GRID2: variants seen among roughly 807,000 people sequenced by gnomAD.
GRID2 encodes glutamate receptor ionotropic, delta-2.
Under a neutral mutation model 114.8 loss-of-function variants are expected in GRID2, and 33 were observed. The ratio of observed to expected loss-of-function variants is 0.29; its 90% CI spans 0.22 to 0.38. The LOEUF is 0.38. GRID2 is among the 10% of genes least tolerant of loss of function. The probability of loss-of-function intolerance (pLI) is 1.00; values close to 1 mark genes in which losing one functional copy is unlikely to be tolerated. For missense variants in GRID2, 1,184 were observed against 1,257.7 expected (o/e 0.94, Z 0.89); for synonymous variants, 505 against 449.9 (o/e 1.12, Z -1.55).
At chr4:92,477,290 C>A (rs1015979182) in intron 1 of GRID2, among the ~76,000 whole-genome samples, 1 of 151,946 alleles carries the variant, frequency 6.6e-6, no homozygotes, top group Non-Finnish European at 1.5e-5. Flanking sequence ...CAATGGTTAA[C>A]CTTATTTTAG....
chr4:93,532,931 T>C (rs1731601777), intron 13 of GRID2, among the ~76,000 whole-genome samples: 1 of 152,176 alleles, frequency 6.6e-6, no homozygotes, highest in Non-Finnish European at 1.5e-5. Flanking sequence ...GAATCAGGAA[T>C]CTTATCCAGA....
At chr4:92,553,219 C>G (rs1209627653) in intron 1 of GRID2, among the ~76,000 whole-genome samples, 1 of 152,138 alleles carries the variant, frequency 6.6e-6, no homozygotes, top group East Asian at 1.9e-4. Flanking sequence ...CAGAATGCAC[C>G]TGCATTGGGT....
At chr4:92,599,842 C>T (rs542881007) in intron 2 of GRID2, among the ~76,000 whole-genome samples, 573 of 151,658 alleles carry the variant, frequency 3.8e-3, no homozygotes, top group Non-Finnish European at 6.5e-3. Context: ...CTAGCCAACA[C>T]GGTGAAACCC....
intron 2 of GRID2, among the ~76,000 whole-genome samples, chr4:93,024,067 A>G (rs1223222364): frequency 1.3e-5 from 2 of 151,844 alleles, no homozygotes; most frequent in Non-Finnish European, 2.9e-5. Flanking sequence ...TACTTTAACT[A>G]TCTGGTAGGT....
chr4:93,341,737 A>T (rs1027294172), intron 8 of GRID2, among the ~76,000 whole-genome samples: 2 of 152,130 alleles, frequency 1.3e-5, no homozygotes, highest in African/African-American at 4.8e-5. Flanking sequence ...AAAGTCCTGG[A>T]TTTGCCTAGG....
At chr4:93,547,183 A>C (rs1024042969) in intron 13 of GRID2, among the ~76,000 whole-genome samples, 2 of 152,216 alleles carry the variant, frequency 1.3e-5, no homozygotes, top group African/African-American at 4.8e-5. Flanking sequence ...TCAACAGTAA[A>C]TAAAACTCCT....
At chr4:92,809,663 G>T (rs1293933271) in intron 2 of GRID2, among the ~76,000 whole-genome samples, 1 of 151,862 alleles carries the variant, frequency 6.6e-6, no homozygotes, top group Non-Finnish European at 1.5e-5. Context: ...TTCTTGATCT[G>T]ACATTGGCAA....
intron 8 of GRID2, among the ~76,000 whole-genome samples, chr4:93,368,003 A>G (rs1273267711): frequency 2.0e-5 from 3 of 152,188 alleles, no homozygotes; most frequent in African/African-American, 7.2e-5. Flanking sequence ...CAGTGAAACA[A>G]TATAATTTTA....
chr4:93,053,326 G>T (rs192288362), intron 2 of GRID2, among the ~76,000 whole-genome samples: 1 of 151,984 alleles, frequency 6.6e-6, no homozygotes, highest in East Asian at 1.9e-4. Flanking sequence ...GTTTGGGAAT[G>T]ATTTGTCTAT....
At chr4:92,946,600 T>C (rs980742668) in intron 2 of GRID2, among the ~76,000 whole-genome samples, 1 of 152,128 alleles carries the variant, frequency 6.6e-6, no homozygotes, top group Non-Finnish European at 1.5e-5. Flanking sequence ...CTACTGCATA[T>C]TACTCAGCAA....
chr4:92,305,436 C>T (rs1364000525), intron 1 of GRID2, among the ~76,000 whole-genome samples: 1 of 152,070 alleles, frequency 6.6e-6, no homozygotes, highest in African/African-American at 2.4e-5. Flanking sequence ...GGCGCGGCGG[C>T]GAAACTGACC....
chr4:93,142,238 C>T (rs531882557), intron 4 of GRID2, among the ~76,000 whole-genome samples: 19 of 152,188 alleles, frequency 1.2e-4, no homozygotes, highest in Admixed American at 7.9e-4. Flanking sequence ...AAACCTACTT[C>T]TCTTTTAATT....
intron 2 of GRID2, among the ~76,000 whole-genome samples, chr4:92,770,167 A>G (rs6852643): frequency 0.087 from 13,263 of 152,226 alleles, 674 homozygotes; most frequent in African/African-American, 0.14. Context: ...AAAGCTCCAG[A>G]AATCTCTAAG....
At chr4:92,837,420 A>C (rs1420627918) in intron 2 of GRID2, among the ~76,000 whole-genome samples, 2 of 151,622 alleles carry the variant, frequency 1.3e-5, no homozygotes, top group African/African-American at 4.8e-5. Flanking sequence ...ATTGGGGAAA[A>C]CTGTATTCAG....
intron 13 of GRID2, among the ~76,000 whole-genome samples, chr4:93,589,013 T>TGATTC (rs1203872735): frequency 1.3e-5 from 2 of 151,398 alleles, no homozygotes; most frequent in East Asian, 3.9e-4. Flanking sequence ...ACAACGTTCA[T>TGATTC]GATTCTGCAC....
intron 1 of GRID2, among the ~76,000 whole-genome samples, chr4:92,423,962 A>G (rs1022488217): frequency 6.6e-6 from 1 of 152,090 alleles, no homozygotes; most frequent in African/African-American, 2.4e-5. Flanking sequence ...CTCTGAAAAT[A>G]TTTGCGAAGG....
At chr4:93,046,762 G>C (rs956031480) in intron 2 of GRID2, among the ~76,000 whole-genome samples, 14 of 151,760 alleles carry the variant, frequency 9.2e-5, no homozygotes, top group Non-Finnish European at 2.1e-4. Flanking sequence ...TTGCCATTTA[G>C]CTTTGCTTTT....
At chr4:93,199,692 T>G (rs1365376916) in intron 4 of GRID2, among the ~76,000 whole-genome samples, 1 of 152,192 alleles carries the variant, frequency 6.6e-6, no homozygotes. Context: ...GGATCCATGC[T>G]GAGCTCAAGG....
chr4:93,150,463 A>G (rs1736633708), intron 4 of GRID2, among the ~76,000 whole-genome samples: 2 of 152,076 alleles, frequency 1.3e-5, no homozygotes, highest in Non-Finnish European at 2.9e-5. Context: ...CTGCCATTAC[A>G]TCTGGTTTGG....
Sources: gnomAD v4.1 joint callset for allele counts (sites outside exome capture counted in the v4.1 genomes callset) on GRCh38, gnomAD v4.1.1 for gene constraint, MANE v1.5 for transcripts, NCBI Gene and HGNC (gene_info 2026-07-23, HGNC 2026-07-21) for gene names.